ZNF728: variants seen among roughly 807,000 people sequenced by gnomAD.
The protein encoded by ZNF728 is zinc finger protein 728.
A neutral mutation model predicts 12.5 loss-of-function variants in ZNF728; 12 were observed. That is an observed-to-expected ratio of 0.96 (90% CI 0.61 to 1.55). The LOEUF is 1.55. Among genes scored for constraint, ZNF728 ranks in the 40% most tolerant of loss-of-function variants. The pLI is 0.00. For missense variants in ZNF728, 692 were observed against 719.2 expected (o/e 0.96, Z 0.43); for synonymous variants, 205 against 240.7 (o/e 0.85, Z 1.37).
chr19:22,990,771 C>G (rs1401934852), intron 1 of ZNF728, among the ~76,000 whole-genome samples: 1 of 151,704 alleles, frequency 6.6e-6, no homozygotes, highest in Non-Finnish European at 1.5e-5. Context: ...TAAACAGAAT[C>G]CATGGAAAGG....
chr19:22,997,728 T>TAA (rs112287289), intron 1 of ZNF728, among the ~76,000 whole-genome samples: 25 of 135,310 alleles, frequency 1.8e-4, no homozygotes, highest in African/African-American at 6.0e-4. Context: ...TAAATCTATT[T>TAA]AAAAAAAAAA....
At chr19:22,997,683 A>G (rs967241421) in intron 1 of ZNF728, among the ~76,000 whole-genome samples, 3 of 151,996 alleles carry the variant, frequency 2.0e-5, no homozygotes, top group Non-Finnish European at 4.4e-5. Flanking sequence ...AGATTTAGAC[A>G]TGAAAAACTA....
intron 3 of ZNF728, among the ~76,000 whole-genome samples, chr19:22,983,905 G>C (rs1968886761): frequency 6.6e-6 from 1 of 152,084 alleles, no homozygotes; most frequent in Non-Finnish European, 1.5e-5. Context: ...ACCTAATGTA[G>C]ATAACGGGTT....
Position 22,987,454 on chromosome 19 carries a change from A to T in ZNF728, c.131-51T>A, listed in dbSNP as rs566098646. The T allele has an allele frequency of 1.8e-5, 27 of 1,522,934 alleles. No individual in the cohort carries two copies. In the East Asian group the frequency reaches 5.9e-4, roughly 33 times the overall value. 94.3% of individuals were successfully genotyped at this position (1,522,934 alleles called of 1,614,324 possible). A position where few individuals can be genotyped will look rare whatever the true frequency, so the allele number is the denominator to read the frequency against. On this transcript the variant is annotated intron_variant, in intron 2 of 3. Coordinates refer to ENST00000594710, the MANE Select transcript of ZNF728 (RefSeq NM_001267716.2). ...GCATCTTGCTCATATTCTCCAATTA[A>T]CAACTTAGTAATGTGCTCAGTAAAG... is the stretch of plus-strand genomic sequence containing the variant.
At position 22,988,276 on chromosome 19, in the gene ZNF728, A is replaced by G. The variant is rs747884164; in HGVS notation, c.130+49T>C. 1.9e-6 allele frequency: 3 copies of G among 1,612,484 alleles called. No homozygotes were observed. In the East Asian group the frequency reaches 6.7e-5, roughly 36 times the overall value. On this transcript the variant is annotated intron_variant, in intron 2 of 3. Coordinates refer to ENST00000594710, the MANE Select transcript of ZNF728 (RefSeq NM_001267716.2). ...CCAGGCCAATAAAGTCCACAGCAAA[A>G]TGAAACCTATAGTGTATACTAGGAA... is the stretch of plus-strand genomic sequence containing the variant.
At chr19:22,985,945 G>A in intron 3 of ZNF728, 1 of 168,630 alleles carries the variant, frequency 5.9e-6, no homozygotes, top group Non-Finnish European at 1.2e-5. Flanking sequence ...GCAGAAACCT[G>A]CCCTAGCATC....
intron 3 of ZNF728, among the ~76,000 whole-genome samples, chr19:22,983,513 C>T (rs1289267234): frequency 5.3e-5 from 8 of 152,090 alleles, no homozygotes; most frequent in African/African-American, 7.2e-5. Context: ...TGGGTATATA[C>T]GCTCAAAATT....
At chr19:22,988,510 T>C (rs1488118083) in intron 1 of ZNF728, 59 bp from the exon 2 acceptor site, 2 of 1,597,446 alleles carry the variant, frequency 1.3e-6, no homozygotes, top group East Asian at 4.5e-5. Context: ...AATTTTTAAT[T>C]TGACTCAAGG....
intron 1 of ZNF728, among the ~76,000 whole-genome samples, chr19:22,989,778 C>G (rs1968964457): frequency 6.6e-6 from 1 of 152,130 alleles, no homozygotes; most frequent in African/African-American, 2.4e-5. Context: ...CTGTAGAGAG[C>G]AGTTATCTCC....
At chr19:22,977,715 A>G (rs1162694868) in intron 3 of ZNF728, among the ~76,000 whole-genome samples, 1 of 152,190 alleles carries the variant, frequency 6.6e-6, no homozygotes, top group East Asian at 1.9e-4. Flanking sequence ...GGTAAGCACA[A>G]AATTTCAGAC....
At chr19:22,989,215 TTA>T (rs1680817900) in intron 1 of ZNF728, among the ~76,000 whole-genome samples, 1 of 131,950 alleles carries the variant, frequency 7.6e-6, no homozygotes, top group African/African-American at 3.7e-5. Flanking sequence ...ATGCAGATTA[TTA>T]TTTTTTTTTT....
At position 22,975,775 on chromosome 19, in the gene ZNF728, G is replaced by A; in HGVS notation, c.1562C>T (p.Ala521Val). Residue 521 changes from alanine to valine, a missense_variant, in exon 4 of 4, where the codon GCA becomes GTA. Physicochemically the swap from Ala to Val is moderately conservative, Grantham distance 64 (BLOSUM62 0). Coordinates refer to ENST00000594710, the MANE Select transcript of ZNF728 (RefSeq NM_001267716.2). The part of the protein sequence containing the change: ...EECGKAFSKV[A>V]NLTKHKVIHT... ...AATTACCTTATGTTTAGTAAGGTTT[G>A]CAACCTTACTGAAGGCTTTGCCACA... 6.2e-7 allele frequency: 1 copy of A among 1,611,978 alleles called. No individual in the cohort carries two copies. Among genetic ancestry groups the A allele is most frequent in the South Asian group, 1.1e-5 (1 of 91,028 alleles).
chr19:23,002,754 G>A (rs1969125811), intron 1 of ZNF728, among the ~76,000 whole-genome samples: 1 of 152,204 alleles, frequency 6.6e-6, no homozygotes, highest in Admixed American at 6.5e-5. Flanking sequence ...ACATCTGAGA[G>A]AGACTCCGCG....
intron 1 of ZNF728, among the ~76,000 whole-genome samples, chr19:23,002,178 G>T (rs1209555596): frequency 1.3e-5 from 2 of 152,194 alleles, no homozygotes. Flanking sequence ...AACGGGGCGT[G>T]GTGGCGCATG....
intron 1 of ZNF728, among the ~76,000 whole-genome samples, chr19:23,002,458 T>C (rs1969123045): frequency 6.6e-6 from 1 of 152,234 alleles, no homozygotes; most frequent in Non-Finnish European, 1.5e-5. Context: ...AGAAACTACG[T>C]AACTGTACCT....
At chr19:23,002,912 C>G in intron 1 of ZNF728, 116 bp downstream of exon 1, 1 of 1,385,254 alleles carries the variant, frequency 7.2e-7, no homozygotes, top group African/African-American at 1.5e-5. Context: ...AAGGAGAACA[C>G]GGGGCACAGA....
chr19:22,979,489 C>T (rs1599526863), intron 3 of ZNF728, among the ~76,000 whole-genome samples: 1 of 152,124 alleles, frequency 6.6e-6, no homozygotes, highest in South Asian at 2.1e-4. Context: ...GACAGGCCAA[C>T]ATTCAAAGTC....
chr19:22,978,735 C>T lies in ZNF728; in HGVS notation c.227-1625G>A, dbSNP rs188192017. Among the ~76,000 whole-genome samples the T allele has an allele frequency of 1.2e-4, 18 of 152,292 alleles. No homozygotes were observed. In the South Asian group the frequency reaches 1.7e-3, roughly 14 times the overall value. On this transcript the variant is annotated intron_variant, in intron 3 of 3. Transcript: ENST00000594710. ...GAAAACAGGGTCTGGAGTGGACCTC[C>T]AGCAAGCTCCAGCACATCTGCAGCA...
At chr19:22,989,867 G>C (rs1968966259) in intron 1 of ZNF728, among the ~76,000 whole-genome samples, 1 of 151,970 alleles carries the variant, frequency 6.6e-6, no homozygotes, top group Admixed American at 6.6e-5. Flanking sequence ...GTACTGCATA[G>C]ACATAATAAG....
Sources: gnomAD v4.1 joint callset for allele counts (sites outside exome capture counted in the v4.1 genomes callset) on GRCh38, gnomAD v4.1.1 for gene constraint, MANE v1.5 for transcripts, NCBI Gene and HGNC (gene_info 2026-07-23, HGNC 2026-07-21) for gene names.